ANO6: variants seen among roughly 807,000 people sequenced by gnomAD.
ANO6 encodes the protein anoctamin-6.
ANO6 carries 106 observed loss-of-function variants against 117.5 expected under a neutral mutation model. The ratio of observed to expected loss-of-function variants is 0.90; its 90% CI spans 0.77 to 1.06. The LOEUF (loss-of-function observed/expected upper bound fraction) is 1.06, where lower values mean the gene tolerates loss of function less well. Among genes scored for constraint, ANO6 ranks in the 50% least tolerant of loss-of-function variants. The pLI, the probability that ANO6 is intolerant of heterozygous loss-of-function variation, is 0.00. For synonymous variants in ANO6, 367 were observed against 385.1 expected (o/e 0.95, Z 0.55); for missense variants, 955 against 1,121.1 (o/e 0.85, Z 2.12).
chr12:45,334,060 A>G (rs1940754578), intron 3 of ANO6, among the ~76,000 whole-genome samples: 1 of 152,064 alleles, frequency 6.6e-6, no homozygotes, highest in Non-Finnish European at 1.5e-5. Context: ...AAAAGAAAAT[A>G]ATTTTCTAGC....
At chr12:45,404,463 C>T (rs774447291) in intron 15 of ANO6, among the ~76,000 whole-genome samples, 1 of 151,994 alleles carries the variant, frequency 6.6e-6, no homozygotes, top group South Asian at 2.1e-4. Context: ...TTTATGGTCC[C>T]GGGGGTCAGA....
Position 45,422,962 on chromosome 12 carries a change from G to A in ANO6, c.2426G>A (p.Arg809His), listed in dbSNP as rs754364783. 25 of 1,610,482 alleles carry A rather than the reference G, an allele frequency of 1.6e-5. No homozygotes were observed. Among genetic ancestry groups the A allele is most frequent in the Non-Finnish European group, 1.8e-5 (21 of 1,176,858 alleles). ...DLGNHTTCRY[R>H]DFRYPPGHPQ... ...TGTCTCCATTTTGTTTTCAGGTATCGTGATTTCCGATACCCACCTGGACAC... is the reference window on the plus strand; with the variant it reads ...TGTCTCCATTTTGTTTTCAGGTATCATGATTTCCGATACCCACCTGGACAC... Residue 809 changes from arginine (R) to histidine (H), a missense_variant, in exon 19 of 20, where the codon CGT (arginine) becomes CAT (histidine). Transcript: ENST00000320560.
chr12:45,255,434 C>A (rs1237749833), intron 1 of ANO6, among the ~76,000 whole-genome samples: 2 of 152,110 alleles, frequency 1.3e-5, no homozygotes, highest in Non-Finnish European at 2.9e-5. Context: ...ACCCGGGAGG[C>A]AGAGGTGGCA....
chr12:45,348,388 G>T (rs1941198078), intron 5 of ANO6, 73 bp downstream of exon 5: 1 of 1,603,050 alleles, frequency 6.2e-7, no homozygotes, highest in Non-Finnish European at 8.5e-7. Context: ...TGGTTGGTTT[G>T]GTTTTATTTT....
At chr12:45,424,217 T>G (rs181851686) in intron 19 of ANO6, among the ~76,000 whole-genome samples, 121 of 151,706 alleles carry the variant, frequency 8.0e-4, no homozygotes, top group African/African-American at 2.3e-3. Flanking sequence ...ACATATGCAG[T>G]GGACCATCCC....
At chr12:45,418,682 C>G (rs926790906) in intron 17 of ANO6, among the ~76,000 whole-genome samples, 3 of 152,272 alleles carry the variant, frequency 2.0e-5, no homozygotes, top group African/African-American at 7.2e-5. Context: ...CATGCCATGG[C>G]TCTACTCCAT....
At chr12:45,236,358 T>A (rs11182931) in intron 1 of ANO6, among the ~76,000 whole-genome samples, 8,723 of 152,190 alleles carry the variant, frequency 0.057, 486 homozygotes, top group East Asian at 0.3. Flanking sequence ...ATAAAGTATT[T>A]CTCCTGATGA....
intron 3 of ANO6, among the ~76,000 whole-genome samples, chr12:45,333,254 A>G (rs1940727595): frequency 6.6e-6 from 1 of 152,064 alleles, no homozygotes; most frequent in Non-Finnish European, 1.5e-5. Flanking sequence ...ATGCCCTGAT[A>G]TGAAAAGGCA....
At chr12:45,423,952 G>C (rs1344395538) in intron 19 of ANO6, among the ~76,000 whole-genome samples, 1 of 152,032 alleles carries the variant, frequency 6.6e-6, no homozygotes, top group African/African-American at 2.4e-5. Flanking sequence ...GATTTCATTT[G>C]CTCTGAATAA....
chr12:45,358,914 A>G (rs1941481617), intron 8 of ANO6, among the ~76,000 whole-genome samples: 1 of 151,814 alleles, frequency 6.6e-6, no homozygotes, highest in African/African-American at 2.4e-5. Context: ...CCTCCTGAGT[A>G]GCTGGGATTA....
intron 3 of ANO6, among the ~76,000 whole-genome samples, chr12:45,336,572 A>G (rs998395493): frequency 1.1e-4 from 17 of 152,018 alleles, no homozygotes; most frequent in Non-Finnish European, 4.4e-5. Context: ...AGTGCAATGC[A>G]TTACTCACAT....
chr12:45,337,945 T>G (rs1183852938), intron 3 of ANO6, among the ~76,000 whole-genome samples: 1 of 151,954 alleles, frequency 6.6e-6, no homozygotes, highest in Non-Finnish European at 1.5e-5. Flanking sequence ...AAAAAAGTAT[T>G]TAAGGTCACC....
rs764720764 is a variant in ANO6, at chr12:45,403,532, T to C, written c.1876T>C (p.Leu626=). The change falls in exon 15 of 20, where the codon TTG becomes CTG. Residue 626 remains leucine, a synonymous_variant. Coordinates refer to ENST00000320560, the MANE Select transcript of ANO6 (RefSeq NM_001025356.3). ...CTGGAATAACATACAAGAAGTATTA[T>C]TGCCGTGAGTGTTAAATTGTATAGC... is the stretch of plus-strand genomic sequence containing the variant. The part of the protein sequence containing the change: ...AIWNNIQEVL[L]PWIMNLIGRF... 2.5e-6 allele frequency: 4 copies of C among 1,608,986 alleles called. No individual in the cohort carries two copies. Among genetic ancestry groups the C allele is most frequent in the East Asian group, 2.2e-5 (1 of 44,830 alleles).
chr12:45,278,166 A>C (rs1938611363), intron 1 of ANO6, among the ~76,000 whole-genome samples: 1 of 152,154 alleles, frequency 6.6e-6, no homozygotes. Flanking sequence ...TGTGTTGCCC[A>C]GGCTGGTCTG....
chr12:45,391,463 G>A (rs1357835453), intron 12 of ANO6, among the ~76,000 whole-genome samples: 3 of 152,096 alleles, frequency 2.0e-5, no homozygotes, highest in African/African-American at 7.2e-5. Context: ...TCAGACAAGT[G>A]GAGATTATTC....
chr12:45,239,272 G>T (rs1240072933), intron 1 of ANO6, among the ~76,000 whole-genome samples: 1 of 152,194 alleles, frequency 6.6e-6, no homozygotes, highest in Non-Finnish European at 1.5e-5. Context: ...GTCTTGGGAA[G>T]TTGTATGTGT....
chr12:45,414,445 C>T (rs1005156103), intron 16 of ANO6, among the ~76,000 whole-genome samples: 1 of 151,680 alleles, frequency 6.6e-6, no homozygotes, highest in African/African-American at 2.4e-5. Flanking sequence ...AAGTGATGGC[C>T]CCATACCAAT....
At chr12:45,242,232 C>G (rs1487655160) in intron 1 of ANO6, among the ~76,000 whole-genome samples, 1 of 152,218 alleles carries the variant, frequency 6.6e-6, no homozygotes, top group Non-Finnish European at 1.5e-5. Flanking sequence ...GGGCCCTGCC[C>G]AATTTGAGCT....
chr12:45,244,187 G>A (rs1947787438), intron 1 of ANO6, among the ~76,000 whole-genome samples: 1 of 152,090 alleles, frequency 6.6e-6, no homozygotes, highest in Non-Finnish European at 1.5e-5. Context: ...CCTTATTTTT[G>A]TTGTAACCAA....
Sources: allele counts gnomAD v4.1 joint callset (sites outside exome capture counted in the v4.1 genomes callset), GRCh38; gene constraint gnomAD v4.1.1; transcripts MANE v1.5; gene names NCBI Gene and HGNC (gene_info 2026-07-23, HGNC 2026-07-21).